CAMTA1: variants seen among roughly 807,000 people sequenced by gnomAD.
CAMTA1 encodes the protein calmodulin-binding transcription activator 1.
A neutral mutation model predicts 170.9 loss-of-function variants in CAMTA1; 27 were observed. The ratio of observed to expected loss-of-function variants is 0.16; its 90% confidence interval spans 0.12 to 0.22. The LOEUF (loss-of-function observed/expected upper bound fraction) is 0.22, where lower values mean the gene tolerates loss of function less well. CAMTA1 is among the 10% of genes least tolerant of loss of function. CAMTA1 has a pLI of 1.00. For synonymous variants in CAMTA1, 833 were observed against 891.5 expected (o/e 0.93, Z 1.17); for missense variants, 1,619 against 2,217.2 (o/e 0.73, Z 5.42).
At chr1:7,518,874 C>T (rs2094323038) in intron 6 of CAMTA1, among the ~76,000 whole-genome samples, 1 of 151,950 alleles carries the variant, frequency 6.6e-6, no homozygotes, top group Non-Finnish European at 1.5e-5. Flanking sequence ...ATTGAGTGCT[C>T]CCGAAAAAAT....
rs1475254949 is a variant in CAMTA1, at chr1:7,335,443, G to A, written c.438+85817G>A. ...AGTGCCTTGGGACGTCAGCAGTCCC[G>A]GGGATGCCCGTCAAAGCAGCTGAGT... is the stretch of plus-strand genomic sequence containing the variant. On this transcript the variant is annotated intron_variant, in intron 5 of 22. Coordinates refer to ENST00000303635, the MANE Select transcript of CAMTA1 (RefSeq NM_015215.4). 5.9e-5 allele frequency among the ~76,000 whole-genome samples: 9 copies of A among 152,290 alleles called. No homozygotes were observed. In the East Asian group the frequency reaches 7.7e-4, roughly 13 times the overall value.
intron 5 of CAMTA1, among the ~76,000 whole-genome samples, chr1:7,464,467 C>A (rs1445172850): frequency 2.0e-5 from 3 of 152,200 alleles, no homozygotes; most frequent in Non-Finnish European, 4.4e-5. Flanking sequence ...TGCAATTAAT[C>A]CCCAATTGGC....
intron 4 of CAMTA1, among the ~76,000 whole-genome samples, chr1:7,212,594 A>AGAT (rs1658977894): frequency 6.6e-6 from 1 of 152,234 alleles, no homozygotes; most frequent in Non-Finnish European, 1.5e-5. Context: ...TAATACAGAG[A>AGAT]GATGATCCAT....
chr1:7,710,322 G>A (rs972181260), intron 11 of CAMTA1, among the ~76,000 whole-genome samples: 13 of 152,158 alleles, frequency 8.5e-5, no homozygotes, highest in African/African-American at 2.2e-4. Flanking sequence ...GAACTTGGCC[G>A]TGTGTTGGCT....
chr1:7,608,305 G>A (rs901525270), intron 6 of CAMTA1, among the ~76,000 whole-genome samples: 1 of 152,236 alleles, frequency 6.6e-6, no homozygotes, highest in Admixed American at 6.5e-5. Flanking sequence ...GATGGGAGAG[G>A]CAAGGAGGTG....
At chr1:6,789,980 T>G (rs551555540) in intron 1 of CAMTA1, among the ~76,000 whole-genome samples, 2 of 151,786 alleles carry the variant, frequency 1.3e-5, no homozygotes, top group African/African-American at 4.8e-5. Context: ...CGGCTAATTT[T>G]TTTTTGCATT....
chr1:7,441,774 C>T (rs576637406), intron 5 of CAMTA1, among the ~76,000 whole-genome samples: 47 of 152,250 alleles, frequency 3.1e-4, no homozygotes, highest in African/African-American at 8.9e-4. Context: ...GCTTGTTCGT[C>T]TCGCTCATTA....
chr1:7,677,802 G>A (rs949664629), intron 11 of CAMTA1, 69 bp downstream of exon 11: 2 of 1,538,022 alleles, frequency 1.3e-6, no homozygotes, highest in East Asian at 2.3e-5. Context: ...TCTTGCACAA[G>A]GTGTGAAAGA....
chr1:7,582,592 C>T (rs909612392), intron 6 of CAMTA1, among the ~76,000 whole-genome samples: 1 of 152,182 alleles, frequency 6.6e-6, no homozygotes, highest in Non-Finnish European at 1.5e-5. Flanking sequence ...TAGCTTGTTG[C>T]TGTAACATCC....
At chr1:7,082,621 C>T (rs1271169956) in intron 3 of CAMTA1, among the ~76,000 whole-genome samples, 4 of 152,156 alleles carry the variant, frequency 2.6e-5, no homozygotes, top group Admixed American at 1.3e-4. Context: ...TTGAGTTCTG[C>T]CTTTCTATTC....
chr1:7,387,902 G>A (rs531762227), intron 5 of CAMTA1, among the ~76,000 whole-genome samples: 24 of 152,220 alleles, frequency 1.6e-4, no homozygotes, highest in African/African-American at 2.6e-4. Flanking sequence ...TTGGCTTTTC[G>A]CAGATAATGT....
At chr1:6,922,882 C>A (rs144274773) in intron 3 of CAMTA1, among the ~76,000 whole-genome samples, 1 of 152,084 alleles carries the variant, frequency 6.6e-6, no homozygotes, top group Non-Finnish European at 1.5e-5. Context: ...GAACACACCC[C>A]CTTCCGTTAA....
At chr1:6,795,432 A>G (rs1642260850) in intron 1 of CAMTA1, among the ~76,000 whole-genome samples, 1 of 151,866 alleles carries the variant, frequency 6.6e-6, no homozygotes, top group African/African-American at 2.4e-5. Flanking sequence ...GGTCTCAAGC[A>G]GTCCGTCTGC....
chr1:7,714,136 A>G (rs909722280), intron 11 of CAMTA1, among the ~76,000 whole-genome samples: 4 of 152,238 alleles, frequency 2.6e-5, no homozygotes, highest in Non-Finnish European at 5.9e-5. Context: ...CTGAAAACAG[A>G]AGAAACTAAT....
chr1:7,013,997 G>A (rs1700181012), intron 3 of CAMTA1, among the ~76,000 whole-genome samples: 1 of 152,240 alleles, frequency 6.6e-6, no homozygotes, highest in Non-Finnish European at 1.5e-5. Context: ...GAACATGGAA[G>A]CCCAGCACAT....
At chr1:7,383,239 G>T (rs924558379) in intron 5 of CAMTA1, among the ~76,000 whole-genome samples, 1 of 151,786 alleles carries the variant, frequency 6.6e-6, no homozygotes, top group East Asian at 1.9e-4. Flanking sequence ...GGGCCAGGAC[G>T]GACATTGTTG....
chr1:7,692,624 G>A (rs1344012227), intron 11 of CAMTA1, among the ~76,000 whole-genome samples: 2 of 152,208 alleles, frequency 1.3e-5, no homozygotes, highest in African/African-American at 4.8e-5. Context: ...TGGTGTGACA[G>A]TGACAGTAAT....
rs1708642383 is a variant in CAMTA1 at position 7,064,099 on chromosome 1, C to G, written c.235-27205C>G. Among the ~76,000 whole-genome samples, 1 of 151,256 alleles carries G rather than the reference C, an allele frequency of 6.6e-6. No individual in the cohort carries two copies. ...CCTCCTCCTCCTCCTTCTTCTCCTC[C>G]TTCTCTCCTTCCCTCCTCCTCCTTC... On this transcript the variant is annotated intron_variant, in intron 3 of 22. Transcript: ENST00000303635. The surrounding 1 kb of genome is among the most constrained non-coding windows in gnomAD (Gnocchi z 5.4).
intron 5 of CAMTA1, among the ~76,000 whole-genome samples, chr1:7,385,509 G>T (rs1016485068): frequency 6.6e-6 from 1 of 152,142 alleles, no homozygotes. Flanking sequence ...TACTGGGCTC[G>T]CGGGCCAGTG....
Sources: gnomAD v4.1 joint callset for allele counts (sites outside exome capture counted in the v4.1 genomes callset) on GRCh38, gnomAD v4.1.1 for gene constraint, Gnocchi (gnomAD v3.1) non-coding constraint, MANE v1.5 for transcripts, NCBI Gene and HGNC (gene_info 2026-07-23, HGNC 2026-07-21) for gene names.